MGAT4D: variants seen among roughly 807,000 people sequenced by gnomAD.
MGAT4D encodes MGAT4 family member D.
A neutral mutation model predicts 15.9 loss-of-function variants in MGAT4D; 34 were observed. That is an observed-to-expected ratio of 2.14 (90% CI 1.62 to 2.84). MGAT4D has a LOEUF of 2.84. Ranked by LOEUF, MGAT4D falls within the 30% of genes most tolerant of loss-of-function variation. MGAT4D has a pLI of 0.00. For missense variants in MGAT4D, 327 were observed against 140.2 expected (o/e 2.33, Z -6.73); for synonymous variants, 112 against 48.2 (o/e 2.33, Z -5.49).
intron 1 of MGAT4D, among the ~76,000 whole-genome samples, chr4:140,492,642 A>C (rs1044271778): frequency 6.6e-6 from 1 of 150,680 alleles, no homozygotes; most frequent in African/African-American, 2.4e-5. Context: ...AAAAAAAAAA[A>C]ATTGATTGTT....
At chr4:140,470,482 C>T (rs531605233) in intron 5 of MGAT4D, among the ~76,000 whole-genome samples, 2 of 152,312 alleles carry the variant, frequency 1.3e-5, no homozygotes, top group African/African-American at 4.8e-5. Flanking sequence ...GCCTGAAGGC[C>T]ACATTTGCAG....
At chr4:140,497,833 G>C (rs1455817746) in intron 1 of MGAT4D, among the ~76,000 whole-genome samples, 2 of 152,260 alleles carry the variant, frequency 1.3e-5, no homozygotes, top group Non-Finnish European at 2.9e-5. Flanking sequence ...CGGGGTCCTT[G>C]AACCTTTGAG....
chr4:140,492,627 C>CA (rs57107544), intron 1 of MGAT4D, among the ~76,000 whole-genome samples: 3,283 of 113,596 alleles, frequency 0.029, 41 homozygotes, highest in South Asian at 0.071. Context: ...GACTCTGTCT[C>CA]AAAAAAAAAA....
chr4:140,452,869 AGTGTTTAGATAGATGATTTTTT>A lies in MGAT4D; in HGVS notation c.1009-1374_1009-1353del, dbSNP rs570324789. On this transcript the variant is annotated intron_variant, in intron 9 of 10. Coordinates refer to ENST00000511113, the MANE Select transcript of MGAT4D (RefSeq NM_001277353.2). ...TTCTATATTTTCTTCCAAGAGTTTT[AGTGTTTAGATAGATGATTTTTT>A]GTGTTTAGATAGATGATTTATTTTG... Among the ~76,000 whole-genome samples, 17 of 152,160 alleles carry A rather than the reference AGTGTTTAGATAGATGATTTTTT, an allele frequency of 1.1e-4. No homozygotes were observed. The East Asian group carries it at 3.3e-3, about 29-fold the overall frequency.
intron 1 of MGAT4D, among the ~76,000 whole-genome samples, chr4:140,487,891 T>C (rs986069512): frequency 4.6e-5 from 7 of 152,198 alleles, no homozygotes; most frequent in Admixed American, 3.9e-4. Context: ...GCATCAGCTG[T>C]GAGCTTGTTA....
intron 1 of MGAT4D, among the ~76,000 whole-genome samples, chr4:140,489,032 C>T (rs1578719250): frequency 6.6e-6 from 1 of 152,120 alleles, no homozygotes; most frequent in Non-Finnish European, 1.5e-5. Context: ...ATACATTACC[C>T]AGTCTCAGAT....
intron 5 of MGAT4D, among the ~76,000 whole-genome samples, chr4:140,466,741 T>A (rs927866632): frequency 2.6e-5 from 4 of 152,184 alleles, no homozygotes; most frequent in Non-Finnish European, 5.9e-5. Context: ...CGGTTTCAAC[T>A]TGCACAATCA....
At chr4:140,493,266 T>C (rs1202736679) in intron 1 of MGAT4D, among the ~76,000 whole-genome samples, 1 of 151,382 alleles carries the variant, frequency 6.6e-6, no homozygotes, top group Non-Finnish European at 1.5e-5. Context: ...TCCCAAACTG[T>C]ATCTGTTTAT....
chr4:140,459,748 A>G (rs1731043890), intron 7 of MGAT4D, 122 bp from the exon 8 acceptor site: 1 of 326,952 alleles, frequency 3.1e-6, no homozygotes, highest in African/African-American at 2.1e-5. Context: ...ATAAAATAAT[A>G]ATTTTATTTC....
At chr4:140,454,604 C>T (rs1730678991) in intron 9 of MGAT4D, among the ~76,000 whole-genome samples, 2 of 152,000 alleles carry the variant, frequency 1.3e-5, no homozygotes, top group African/African-American at 4.8e-5. Flanking sequence ...CATGATAATG[C>T]CAGCTTCATG....
intron 5 of MGAT4D, among the ~76,000 whole-genome samples, chr4:140,466,123 G>C (rs1731515654): frequency 6.6e-6 from 1 of 151,954 alleles, no homozygotes; most frequent in Non-Finnish European, 1.5e-5. Context: ...AACAAAAGTA[G>C]GTAATCCAAA....
intron 10 of MGAT4D, among the ~76,000 whole-genome samples, chr4:140,445,574 T>C (rs971413338): frequency 3.3e-5 from 5 of 152,226 alleles, no homozygotes; most frequent in African/African-American, 9.6e-5. Context: ...TGCAATTCCT[T>C]TTGGAATCTT....
At chr4:140,490,341 A>C (rs1733421225) in intron 1 of MGAT4D, among the ~76,000 whole-genome samples, 2 of 152,182 alleles carry the variant, frequency 1.3e-5, no homozygotes, top group Admixed American at 6.5e-5. Context: ...GTGCAATAGC[A>C]AAATCTTTGA....
At chr4:140,476,920 A>G (rs1732375250) in intron 3 of MGAT4D, among the ~76,000 whole-genome samples, 1 of 152,128 alleles carries the variant, frequency 6.6e-6, no homozygotes, top group Non-Finnish European at 1.5e-5. Context: ...ATGACAGCAG[A>G]CACCTTCATG....
chr4:140,444,210 AT>A (rs1397676139), intron 10 of MGAT4D, among the ~76,000 whole-genome samples: 4 of 151,950 alleles, frequency 2.6e-5, no homozygotes, highest in East Asian at 3.9e-4. Context: ...CAGTTAAAGT[AT>A]TTTTTTTAAA....
chr4:140,491,540 C>A (rs1033128208), intron 1 of MGAT4D, among the ~76,000 whole-genome samples: 2 of 152,030 alleles, frequency 1.3e-5, no homozygotes, highest in African/African-American at 4.8e-5. Flanking sequence ...AGCCTGCAGG[C>A]ATGCAGCTTG....
chr4:140,448,089 G>A (rs1730248074), intron 10 of MGAT4D, among the ~76,000 whole-genome samples: 1 of 152,064 alleles, frequency 6.6e-6, no homozygotes, highest in Non-Finnish European at 1.5e-5. Context: ...TAGCCTGATG[G>A]GGTTCCCTTT....
At chr4:140,479,220 T>C (rs1455516106) in intron 3 of MGAT4D, among the ~76,000 whole-genome samples, 1 of 152,198 alleles carries the variant, frequency 6.6e-6, no homozygotes, top group African/African-American at 2.4e-5. Context: ...TGCCAAACAT[T>C]TGGCATATAC....
At chr4:140,446,743 G>GTTTTTTTTTTTTTTTT (rs149442061) in intron 10 of MGAT4D, among the ~76,000 whole-genome samples, 2 of 8,170 alleles carry the variant, frequency 2.4e-4, no homozygotes, top group African/African-American at 5.0e-4. Flanking sequence ...TGCTTCTCTA[G>GTTTTTTTTTTTTTTTT]TTTTTTTTTT....
Sources: allele counts gnomAD v4.1 joint callset (sites outside exome capture counted in the v4.1 genomes callset), GRCh38; gene constraint gnomAD v4.1.1; transcripts MANE v1.5; gene names NCBI Gene and HGNC (gene_info 2026-07-23, HGNC 2026-07-21).